The following SMAD2 variants were observed in gnomAD, a reference collection of about 807,000 sequenced individuals.
SMAD2 encodes SMAD family member 2, also known as MAD homolog 2.
Under a neutral mutation model 64.4 loss-of-function variants are expected in SMAD2, and 8 were observed. The ratio of observed to expected loss-of-function variants is 0.12; its 90% CI spans 0.07 to 0.22. The LOEUF is 0.22. SMAD2 is among the 10% of genes least tolerant of loss of function. The pLI is 1.00. For missense variants in SMAD2, 289 were observed against 561.2 expected (o/e 0.51, Z 4.90); for synonymous variants, 203 against 195.8 (o/e 1.04, Z -0.31).
In SMAD2 at chr18:47,901,649, T is replaced by C. The variant is rs1598864691; in HGVS notation, c.-53-4840A>G. ...TCACTTAACACAATTTTCATACATA[T>C]ACTTTTACTACTTCCTCTATAATGC... is the stretch of plus-strand genomic sequence containing the variant. On this transcript the variant is annotated intron_variant, in intron 1 of 10. Coordinates refer to ENST00000262160, the MANE Select transcript of SMAD2 (RefSeq NM_005901.6). Among the ~76,000 whole-genome samples the C allele has an allele frequency of 1.3e-5, 2 of 152,304 alleles. 1 individual carries two copies. Among genetic ancestry groups the C allele is most frequent in the South Asian group, 4.1e-4 (2 of 4,826 alleles).
intron 6 of SMAD2, among the ~76,000 whole-genome samples, chr18:47,860,789 CT>C (rs2031115155): frequency 6.6e-6 from 1 of 152,116 alleles, no homozygotes; most frequent in African/African-American, 2.4e-5. Context: ...ATATGATCCT[CT>C]TTATAAACGC....
chr18:47,851,432 G>T, intron 6 of SMAD2, 105 bp from the exon 7 acceptor site: 3 of 606,022 alleles, frequency 5.0e-6, no homozygotes, highest in Admixed American at 2.3e-5. Flanking sequence ...ATAATACAAA[G>T]ATAATTTAAA....
chr18:47,850,650 A>C (rs1212073946), intron 7 of SMAD2, among the ~76,000 whole-genome samples: 1 of 44,852 alleles, frequency 2.2e-5, no homozygotes, highest in Non-Finnish European at 3.5e-5. Flanking sequence ...TATTATGTAT[A>C]ATATATATTA....
At position 47,829,510 on chromosome 18, in the gene SMAD2, AGC is replaced by A. The variant is rs1480652248; in HGVS notation, c.*12315_*12316del. ...TGCGATCTTTTAAAGAATATAAACA[AGC>A]CAGATTCTTAGGTATCTCTCCCTTT... On this transcript the variant is annotated 3_prime_UTR_variant, in exon 11 of 11. Coordinates refer to ENST00000262160, the MANE Select transcript of SMAD2 (RefSeq NM_005901.6). The A allele has an allele frequency of 8.5e-5, 13 of 152,204 alleles. No homozygotes were observed. The highest frequency in any genetic ancestry group is 3.1e-4 in the African/African-American group (13 of 41,456). 9.4% of individuals were successfully genotyped at this position (152,204 alleles called of 1,614,324 possible). A position where few individuals can be genotyped will look rare whatever the true frequency, so the allele number is the denominator to read the frequency against.
chr18:47,813,273 T>G lies in SMAD2; in HGVS notation c.*28554A>C, dbSNP rs901173781. On this transcript the variant is annotated 3_prime_UTR_variant, in exon 11 of 11. Coordinates refer to ENST00000262160, the MANE Select transcript of SMAD2 (RefSeq NM_005901.6). The stretch of plus-strand genomic sequence containing the variant: ...CTTATTTTTAGAAAAGGATCTCACT[T>G]TGTCATCCAGGCTAGAGTGCAGTAG... 5 of 152,100 alleles carry G rather than the reference T, an allele frequency of 3.3e-5. No individual in the cohort carries two copies. Among genetic ancestry groups the G allele is most frequent in the Admixed American group, 2.0e-4 (3 of 15,274 alleles). The allele number at this position is 152,100 out of a possible 1,614,324, so 9.4% of individuals were successfully genotyped here. A position where few individuals can be genotyped will look rare whatever the true frequency, so the allele number is the denominator to read the frequency against.
At chr18:47,930,024 C>CT (rs750690828) in intron 1 of SMAD2, among the ~76,000 whole-genome samples, 53 of 152,346 alleles carry the variant, frequency 3.5e-4, no homozygotes, top group Non-Finnish European at 6.8e-4. Context: ...TTACGCGTCC[C>CT]TAACAAGGCT....
Position 47,812,221 on chromosome 18 carries a change from T to C in SMAD2, c.*29606A>G, listed in dbSNP as rs528038433. The stretch of plus-strand genomic sequence containing the variant: ...CTGCTCTTGTAATAGTGAATAAGTC[T>C]CACGAGATCTGATGGTTTTATAAAG... On this transcript the variant is annotated 3_prime_UTR_variant, in exon 11 of 11. Coordinates refer to ENST00000262160, the MANE Select transcript of SMAD2 (RefSeq NM_005901.6). 11 of 152,232 alleles carry C rather than the reference T, an allele frequency of 7.2e-5. 1 individual carries two copies. The South Asian group carries it at 2.3e-3, about 32-fold the overall frequency. 9.4% of individuals were successfully genotyped at this position (152,232 alleles called of 1,614,324 possible).
rs1201333967 is a variant in SMAD2, at chr18:47,822,478, CTAAG to C, written c.*19345_*19348del. 4 of 152,184 alleles carry C rather than the reference CTAAG, an allele frequency of 2.6e-5. No homozygotes were observed. The highest frequency in any genetic ancestry group is 4.8e-5 in the African/African-American group (2 of 41,442). The allele number at this position is 152,184 out of a possible 1,614,324, so 9.4% of individuals were successfully genotyped here. On this transcript the variant is annotated 3_prime_UTR_variant, in exon 11 of 11. Transcript: ENST00000262160. The stretch of plus-strand genomic sequence containing the variant: ...CCACAACAAAAAAAGTTACATGAGA[CTAAG>C]TAACTGAAGATGTGTCTGTGACTTT...
At chr18:47,861,053 G>A (rs1295453281) in intron 6 of SMAD2, among the ~76,000 whole-genome samples, 1 of 152,008 alleles carries the variant, frequency 6.6e-6, no homozygotes, top group Non-Finnish European at 1.5e-5. Context: ...ATGAAGACTG[G>A]GGAAAAAAAG....
intron 1 of SMAD2, among the ~76,000 whole-genome samples, chr18:47,904,655 C>T (rs1467230923): frequency 3.3e-5 from 5 of 152,058 alleles, no homozygotes; most frequent in Non-Finnish European, 7.4e-5. Context: ...AAATCACATC[C>T]AGCAACATAA....
At chr18:47,841,999 C>T (rs796427422) in intron 10 of SMAD2, 49 bp from the exon 11 acceptor site, 4 of 1,604,936 alleles carry the variant, frequency 2.5e-6, no homozygotes, top group Admixed American at 3.3e-5. Context: ...AGTCCACAGG[C>T]AGGGAAAATG....
At chr18:47,845,024 T>C in intron 10 of SMAD2, 1 of 553,876 alleles carries the variant, frequency 1.8e-6, no homozygotes, top group South Asian at 2.5e-5. Context: ...GCCATCAAGT[T>C]TTCCTTGAGC....
intron 1 of SMAD2, among the ~76,000 whole-genome samples, chr18:47,921,698 G>A (rs983221182): frequency 1.3e-5 from 2 of 152,086 alleles, no homozygotes; most frequent in Non-Finnish European, 2.9e-5. Flanking sequence ...TTCATTGAAT[G>A]GCATTATAAC....
chr18:47,830,606 C>T lies in SMAD2; in HGVS notation c.*11221G>A, dbSNP rs1409196066. 1.3e-5 allele frequency: 2 copies of T among 148,394 alleles called. No homozygotes were observed. Among genetic ancestry groups the T allele is most frequent in the African/African-American group, 5.1e-5 (2 of 39,020 alleles). The allele number at this position is 148,394 out of a possible 1,614,324, so 9.2% of individuals were successfully genotyped here. A position where few individuals can be genotyped will look rare whatever the true frequency, so the allele number is the denominator to read the frequency against. ...AAAAAAAAAAAAAATTCGTTTTTCT[C>T]ACAGCAGCACATTTCTAAATGGCAA... On this transcript the variant is annotated 3_prime_UTR_variant, in exon 11 of 11. Transcript: ENST00000262160.
chr18:47,815,604 C>T lies in SMAD2; in HGVS notation c.*26223G>A, dbSNP rs1271032107. On this transcript the variant is annotated 3_prime_UTR_variant, in exon 11 of 11. Transcript: ENST00000262160. ...ATTTAACCACTAGTACAAAAACTGG[C>T]CTTGAATAAGACATCACTTCCTCCA... is the stretch of plus-strand genomic sequence containing the variant. 1.3e-5 allele frequency: 2 copies of T among 152,162 alleles called. No individual in the cohort carries two copies. Among genetic ancestry groups the T allele is most frequent in the Non-Finnish European group, 2.9e-5 (2 of 68,028 alleles). 9.4% of individuals were successfully genotyped at this position (152,162 alleles called of 1,614,324 possible).
chr18:47,925,419 T>A (rs76918204), intron 1 of SMAD2, among the ~76,000 whole-genome samples: 8,508 of 152,226 alleles, frequency 0.056, 624 homozygotes, highest in Admixed American at 0.21. Context: ...CACTGTACAA[T>A]GTGAGGCAAG....
intron 6 of SMAD2, among the ~76,000 whole-genome samples, chr18:47,863,870 T>C (rs1040170963): frequency 6.6e-6 from 1 of 152,180 alleles, no homozygotes. Context: ...TTCCAAAGTG[T>C]TGAACCATTT....
chr18:47,874,223 G>T (rs2032124543), intron 2 of SMAD2, among the ~76,000 whole-genome samples: 3 of 152,104 alleles, frequency 2.0e-5, no homozygotes, highest in African/African-American at 7.2e-5. Flanking sequence ...AAATACTAAG[G>T]ATCTTGAATA....
chr18:47,876,507 T>C (rs1158929214), intron 2 of SMAD2, among the ~76,000 whole-genome samples: 1 of 152,068 alleles, frequency 6.6e-6, no homozygotes, highest in East Asian at 1.9e-4. Context: ...GTAATGTTCT[T>C]GCTTATATAT....
Sources: allele counts gnomAD v4.1 joint callset (sites outside exome capture counted in the v4.1 genomes callset), GRCh38; gene constraint gnomAD v4.1.1; transcripts MANE v1.5; gene names NCBI Gene and HGNC (gene_info 2026-07-23, HGNC 2026-07-21).